Variants in SZRD1 observed in about 807,000 individuals in gnomAD.
SZRD1 encodes SUZ RNA-binding domain-containing.
A neutral mutation model predicts 17.6 loss-of-function variants in SZRD1; 7 were observed. The ratio of observed to expected loss-of-function variants is 0.40; its 90% CI spans 0.23 to 0.75. SZRD1 has a LOEUF of 0.75. Ranked by LOEUF, SZRD1 falls within the 30% of genes least tolerant of loss-of-function variation. The pLI is 0.38. For missense variants in SZRD1, 178 were observed against 201.8 expected (o/e 0.88, Z 0.71); for synonymous variants, 77 against 77.9 (o/e 0.99, Z 0.06).
Position 16,393,324 on chromosome 1 carries a change from C to T in SZRD1, c.198C>T (p.Pro66=). The T allele has an allele frequency of 6.2e-7, 1 of 1,614,196 alleles. No homozygotes were observed. The part of the protein sequence containing the change: ...PPPQIRILKR[P]TSNGVVSSPN... ...CACAGATCCGCATCCTCAAGAGGCCCACCAGCAACGGTGTGGTCAGCAGCC... is the reference window on the plus strand; with the variant it reads ...CACAGATCCGCATCCTCAAGAGGCCTACCAGCAACGGTGTGGTCAGCAGCC... Residue 66 remains proline, a synonymous_variant, in exon 3 of 4, where the codon CCC becomes CCT. Transcript: ENST00000401088. This position sits in a 1 kb window ranked among gnomAD's most constrained non-coding sequence, Gnocchi z 5.6.
intron 1 of SZRD1, among the ~76,000 whole-genome samples, chr1:16,373,263 A>G (rs1227244773): frequency 6.7e-6 from 1 of 149,556 alleles, no homozygotes; most frequent in Non-Finnish European, 1.5e-5. Flanking sequence ...GAAGAGTGAT[A>G]TAGCTAGATT....
At chr1:16,381,356 T>A (rs1289730826) in intron 1 of SZRD1, among the ~76,000 whole-genome samples, 2 of 150,550 alleles carry the variant, frequency 1.3e-5, no homozygotes, top group Non-Finnish European at 3.0e-5. Flanking sequence ...GTCAGGAGTT[T>A]GACAGCCTGG....
At chr1:16,394,999 A>G (rs1570056053) in intron 3 of SZRD1, 39 bp from the exon 4 acceptor site, 1 of 1,148,064 alleles carries the variant, frequency 8.7e-7, no homozygotes, top group Middle Eastern at 2.0e-4. Context: ...CATCTATTAT[A>G]TCCTTCTTCA....
In SZRD1 at chr1:16,371,503, C is replaced by T. The variant is rs1289303470; in HGVS notation, c.51+4195C>T. 3.3e-5 allele frequency among the ~76,000 whole-genome samples: 5 copies of T among 150,474 alleles called. No individual in the cohort carries two copies. In the East Asian group the frequency reaches 7.8e-4, roughly 23 times the overall value. Reference sequence around the variant, plus strand: ...CCGAGATGGAGTCTTGCTCTGTCGCCCAGGCTGGAGTGCAGTGGCGCAATC... The same window carrying T: ...CCGAGATGGAGTCTTGCTCTGTCGCTCAGGCTGGAGTGCAGTGGCGCAATC... On this transcript the variant is annotated intron_variant, in intron 1 of 3. Transcript: ENST00000401088.
chr1:16,385,099 G>A (rs948321470), intron 1 of SZRD1, among the ~76,000 whole-genome samples: 2 of 152,182 alleles, frequency 1.3e-5, no homozygotes, highest in African/African-American at 4.8e-5. Flanking sequence ...CAAAGCAAGG[G>A]TCCCTCTTAG....
intron 1 of SZRD1, among the ~76,000 whole-genome samples, chr1:16,373,389 G>T (rs756071121): frequency 6.6e-6 from 1 of 151,942 alleles, no homozygotes; most frequent in Non-Finnish European, 1.5e-5. Flanking sequence ...AGACCAGCTT[G>T]ACCAACATGG....
At chr1:16,367,334 C>A in intron 1 of SZRD1, 26 bp downstream of exon 1, 1 of 1,545,700 alleles carries the variant, frequency 6.5e-7, no homozygotes, top group Admixed American at 2.0e-5. Flanking sequence ...CGTCCCATGG[C>A]AGGGCCGGGC....
At chr1:16,392,607 T>G (rs371275587) in intron 2 of SZRD1, among the ~76,000 whole-genome samples, 57 of 152,324 alleles carry the variant, frequency 3.7e-4, no homozygotes, top group African/African-American at 1.3e-3. Context: ...CAAGGGAGGT[T>G]TCTCTGTTCA....
intron 3 of SZRD1, among the ~76,000 whole-genome samples, chr1:16,394,137 G>A (rs1312408350): frequency 6.6e-6 from 1 of 152,068 alleles, no homozygotes; most frequent in Non-Finnish European, 1.5e-5. Flanking sequence ...AACTTTGAGG[G>A]GCTGCTATGG....
At position 16,391,635 on chromosome 1, in the gene SZRD1, G is replaced by A. The variant is rs1444705494; in HGVS notation, c.101+211G>A. ...GGTGTTGCACCTGCCTCTGACCTTCGTGGGCTCCCTGTGTGAGGTCATCTG... is the reference window on the plus strand; with the variant it reads ...GGTGTTGCACCTGCCTCTGACCTTCATGGGCTCCCTGTGTGAGGTCATCTG... On this transcript the variant is annotated intron_variant, in intron 2 of 3. Transcript: ENST00000401088. This position sits in a 1 kb window ranked among gnomAD's most constrained non-coding sequence, Gnocchi z 4.3. Among the ~76,000 whole-genome samples, 4 of 152,164 alleles carry A rather than the reference G, an allele frequency of 2.6e-5. No individual in the cohort carries two copies. The highest frequency in any genetic ancestry group is 1.9e-4 in the East Asian group (1 of 5,184).
At chr1:16,392,390 C>A (rs548212394) in intron 2 of SZRD1, among the ~76,000 whole-genome samples, 1 of 152,306 alleles carries the variant, frequency 6.6e-6, no homozygotes, top group Admixed American at 6.5e-5. Context: ...GTTCCTGTCT[C>A]CTCCTGTGGC....
At chr1:16,377,794 T>C (rs2083029739) in intron 1 of SZRD1, among the ~76,000 whole-genome samples, 1 of 152,118 alleles carries the variant, frequency 6.6e-6, no homozygotes. Flanking sequence ...TAAAGCGTCA[T>C]TCACAGGTGG....
At chr1:16,373,753 G>A (rs984666569) in intron 1 of SZRD1, among the ~76,000 whole-genome samples, 2 of 151,768 alleles carry the variant, frequency 1.3e-5, no homozygotes, top group South Asian at 4.2e-4. Flanking sequence ...ACAGGCATGC[G>A]CCACCACACC....
chr1:16,369,619 T>C, intron 1 of SZRD1: 1 of 597,980 alleles, frequency 1.7e-6, no homozygotes, highest in South Asian at 1.9e-5. Flanking sequence ...CCAGGTGCTG[T>C]GGCTCACGCC....
chr1:16,380,715 G>A (rs1327291596), intron 1 of SZRD1, among the ~76,000 whole-genome samples: 1 of 152,130 alleles, frequency 6.6e-6, no homozygotes, highest in African/African-American at 2.4e-5. Context: ...TGATCTGCCT[G>A]CCTCGGGCTC....
In SZRD1 at chr1:16,395,459, C is replaced by G. The variant is rs2085295527; in HGVS notation, c.*319C>G. 1 of 376,044 alleles carries G rather than the reference C, an allele frequency of 2.7e-6. No homozygotes were observed. Among genetic ancestry groups the G allele is most frequent in the Non-Finnish European group, 5.0e-6 (1 of 200,340 alleles). 23.3% of individuals were successfully genotyped at this position (376,044 alleles called of 1,614,324 possible). ...AGAGTCAGACAGTGCCACTTGGCCA[C>G]TTGGGGTAAAGCCAGTGCCAGCAAT... On this transcript the variant is annotated 3_prime_UTR_variant, in exon 4 of 4. Coordinates refer to ENST00000401088, the MANE Select transcript of SZRD1 (RefSeq NM_001114600.3).
chr1:16,371,082 G>T (rs1465414618), intron 1 of SZRD1, among the ~76,000 whole-genome samples: 2 of 152,152 alleles, frequency 1.3e-5, no homozygotes, highest in Non-Finnish European at 2.9e-5. Context: ...ACTGGGTGAA[G>T]ACTAATAACC....
At chr1:16,392,864 G>A (rs1261636278) in intron 2 of SZRD1, among the ~76,000 whole-genome samples, 1 of 152,200 alleles carries the variant, frequency 6.6e-6, no homozygotes, top group Non-Finnish European at 1.5e-5. Flanking sequence ...GAGAAGCTGG[G>A]ATCTTAACTG....
chr1:16,372,234 A>G (rs566257192), intron 1 of SZRD1, among the ~76,000 whole-genome samples: 168 of 152,120 alleles, frequency 1.1e-3, no homozygotes, highest in African/African-American at 3.8e-3. Flanking sequence ...ACACTTTGGG[A>G]GGCTGAGGCG....
Sources: allele counts gnomAD v4.1 joint callset (sites outside exome capture counted in the v4.1 genomes callset), GRCh38; gene constraint gnomAD v4.1.1; non-coding constraint Gnocchi (gnomAD v3.1); transcripts MANE v1.5; gene names NCBI Gene and HGNC (gene_info 2026-07-23, HGNC 2026-07-21).